The following TLE2 variants were observed in gnomAD, a reference collection of about 807,000 sequenced individuals.
The protein encoded by TLE2 is transducin-like enhancer protein 2.
In TLE2, 74 loss-of-function variants were observed where a neutral mutation model predicts 97.2. That is an observed-to-expected ratio of 0.76 (90% CI 0.63 to 0.92). The LOEUF is 0.92. Among genes scored for constraint, TLE2 ranks in the 40% least tolerant of loss-of-function variants. The probability of loss-of-function intolerance (pLI) is 0.00; values close to 1 mark genes in which losing one functional copy is unlikely to be tolerated. For synonymous variants in TLE2, 499 were observed against 432.1 expected (o/e 1.15, Z -1.92); for missense variants, 1,038 against 1,008.7 (o/e 1.03, Z -0.39).
At chr19:3,028,639 C>T (rs2089987256) in intron 2 of TLE2, 67 bp downstream of exon 2, 9 of 1,571,150 alleles carry the variant, frequency 5.7e-6, no homozygotes, top group South Asian at 2.2e-5. Context: ...CGCCCTATAC[C>T]CCGGAGGCCT....
At chr19:3,041,787 G>C (rs1163204251) in intron 1 of TLE2, among the ~76,000 whole-genome samples, 1 of 152,232 alleles carries the variant, frequency 6.6e-6, no homozygotes, top group Non-Finnish European at 1.5e-5. Flanking sequence ...TGCTGCCCCA[G>C]GTTGGTTTTT....
Position 3,006,553 on chromosome 19 carries a change from T to C in TLE2, c.1367A>G (p.His456Arg). 6.2e-7 allele frequency: 1 copy of C among 1,604,352 alleles called. No homozygotes were observed. The highest frequency in any genetic ancestry group is 8.5e-7 in the Non-Finnish European group (1 of 1,176,534). Residue 456 changes from histidine to arginine, a missense_variant, in exon 15 of 20, where the codon CAT becomes CGT. His to Arg is a conservative substitution (Grantham distance 29). Transcript: ENST00000262953. ...GGTGACCGCGCAGACCACCTCGCCA[T>C]GGGCCAGCGTGTGCAGCTGCCGGGC... ...RHARQLHTLA[H>R]GEVVCAVTIS...
rs1429510747 is a variant in TLE2 at position 3,005,528 on chromosome 19, G to A, written c.1805C>T (p.Thr602Ile). 7 of 1,613,724 alleles carry A rather than the reference G, an allele frequency of 4.3e-6. No individual in the cohort carries two copies. The East Asian group carries it at 8.9e-5, about 21-fold the overall frequency. ...GTCCAGGCCCCCTGTCCAGAGCCGAGTGCCGTAATCGGAAATATCAATGCA... is the reference window on the plus strand; with the variant it reads ...GTCCAGGCCCCCTGTCCAGAGCCGAATGCCGTAATCGGAAATATCAATGCA... ...ASCIDISDYG[T>I]RLWTGGLDNT... Residue 602 changes from threonine (T) to isoleucine (I), a missense_variant, in exon 17 of 20, where the codon ACT becomes ATT. Thr to Ile is a moderately conservative substitution (Grantham distance 89). Transcript: ENST00000262953.
At chr19:3,034,820 C>T (rs2090050642) in intron 1 of TLE2, among the ~76,000 whole-genome samples, 2 of 152,102 alleles carry the variant, frequency 1.3e-5, no homozygotes, top group Admixed American at 1.3e-4. Context: ...CCTAGGCCTT[C>T]CAGGGAGGGG....
chr19:3,040,488 A>C (rs1007061234), intron 1 of TLE2, among the ~76,000 whole-genome samples: 2 of 151,142 alleles, frequency 1.3e-5, no homozygotes, highest in Admixed American at 1.3e-4. Context: ...CTACAGGTGC[A>C]CACCACCATG....
Position 3,005,590 on chromosome 19 carries a change from GGGA to G in TLE2, c.1749-9_1749-7del. 1 of 1,613,038 alleles carries G rather than the reference GGGA, an allele frequency of 6.2e-7. No homozygotes were observed. The highest frequency in any genetic ancestry group is 8.5e-7 in the Non-Finnish European group (1 of 1,179,534). On this transcript the variant is annotated splice_region_variant and splice_polypyrimidine_tract_variant and intron_variant, in intron 16 of 19. Transcript: ENST00000262953. ...CCGTGTGGCCCTGGAACTGCCTGGA[GGGA>G]GAAGGGCCCAGGCGTCCATCCTGGA...
upstream of TLE2, among the ~76,000 whole-genome samples, chr19:3,032,582 G>A (rs188081597): frequency 2.0e-5 from 3 of 152,168 alleles, no homozygotes; most frequent in East Asian, 3.9e-4. The surrounding 1 kb of genome is among the most constrained non-coding windows in gnomAD (Gnocchi z 4.1). Flanking sequence ...GAGGTTGTTC[G>A]CGTCCTTGTT....
Position 3,007,338 on chromosome 19 carries a change from C to T in TLE2, c.1251-669G>A, listed in dbSNP as rs186968731. 4.5e-3 allele frequency among the ~76,000 whole-genome samples: 680 copies of T among 152,282 alleles called. 7 individuals carry two copies. The highest frequency in any genetic ancestry group is 0.016 in the African/African-American group (652 of 41,552). The stretch of plus-strand genomic sequence containing the variant: ...CTCCTGACTTCAAATGATCCTCCCA[C>T]CTCGGCCTCCCAAAATGCTGGGATT... On this transcript the variant is annotated intron_variant, in intron 14 of 19. Coordinates refer to ENST00000262953, the MANE Select transcript of TLE2 (RefSeq NM_003260.5).
chr19:3,025,555 C>T (rs1396922637), intron 4 of TLE2: 2 of 987,944 alleles, frequency 2.0e-6, no homozygotes, highest in Middle Eastern at 5.2e-4. Flanking sequence ...ACTGATCTAC[C>T]AGCTGGGGAT....
At chr19:3,010,818 C>T (rs758191869) in intron 12 of TLE2, among the ~76,000 whole-genome samples, 24 of 152,228 alleles carry the variant, frequency 1.6e-4, no homozygotes, top group Non-Finnish European at 2.5e-4. Context: ...TTCCACTCTC[C>T]AGGCCTCAGT....
At chr19:3,006,691 G>A (rs746170399) in intron 14 of TLE2, 22 bp from the exon 15 acceptor site, 8 of 1,566,820 alleles carry the variant, frequency 5.1e-6, no homozygotes, top group Non-Finnish European at 6.9e-6. Context: ...GCCGGGGCAT[G>A]ACCCAGCCCT....
chr19:3,013,328 A>C (rs1438036265), intron 11 of TLE2, among the ~76,000 whole-genome samples: 3 of 152,022 alleles, frequency 2.0e-5, no homozygotes, highest in Non-Finnish European at 4.4e-5. Flanking sequence ...CAACACATGC[A>C]GGCCTGAGTC....
At chr19:3,038,770 C>T (rs1045723451) in intron 1 of TLE2, among the ~76,000 whole-genome samples, 8 of 152,088 alleles carry the variant, frequency 5.3e-5, no homozygotes, top group African/African-American at 1.7e-4. Context: ...TAAGGCCGGG[C>T]GCAGTGGCTC....
At chr19:3,002,649 C>A in intron 17 of TLE2, 146 bp from the exon 18 acceptor site, 1 of 945,704 alleles carries the variant, frequency 1.1e-6, no homozygotes, top group South Asian at 1.6e-5. Flanking sequence ...AGAGATCCTC[C>A]TGCCTCAGCA....
intron 5 of TLE2, among the ~76,000 whole-genome samples, chr19:3,023,038 A>G (rs1027264376): frequency 6.6e-6 from 1 of 150,626 alleles, no homozygotes; most frequent in African/African-American, 2.4e-5. Flanking sequence ...ATTCCTTTCA[A>G]CAGTCATTTT....
rs1271883481 is a variant in TLE2 at position 3,019,105 on chromosome 19, C to T, written c.550+178G>A. On this transcript the variant is annotated intron_variant, in intron 7 of 19. Coordinates refer to ENST00000262953, the MANE Select transcript of TLE2 (RefSeq NM_003260.5). The surrounding 1 kb of genome is among the most constrained non-coding windows in gnomAD (Gnocchi z 5.1). ...TAGAGACGGGGTCTCGCTCTGTTGC[C>T]CAGGCTGGTCATGAACTCCTGGGCT... Among the ~76,000 whole-genome samples the T allele has an allele frequency of 2.0e-5, 3 of 151,928 alleles. No homozygotes were observed. Among genetic ancestry groups the T allele is most frequent in the Admixed American group, 2.0e-4 (3 of 15,244 alleles).
intron 16 of TLE2, 61 bp downstream of exon 16, chr19:3,005,660 C>G (rs780554324): frequency 1.2e-6 from 2 of 1,607,140 alleles, no homozygotes; most frequent in Non-Finnish European, 1.7e-6. Flanking sequence ...CACTCCTCCA[C>G]TCCCCCTGCA....
At chr19:3,038,115 C>T (rs928354532) in intron 1 of TLE2, among the ~76,000 whole-genome samples, 2 of 152,212 alleles carry the variant, frequency 1.3e-5, no homozygotes, top group South Asian at 4.2e-4. Flanking sequence ...GAGCGAGACT[C>T]TGTCTCAAAA....
chr19:3,039,756 T>C (rs1258574414), intron 1 of TLE2, among the ~76,000 whole-genome samples: 1 of 152,188 alleles, frequency 6.6e-6, no homozygotes, highest in Non-Finnish European at 1.5e-5. Context: ...ACGGACGCGA[T>C]GCCAGGTCCC....
Sources: gnomAD v4.1 joint callset for allele counts (sites outside exome capture counted in the v4.1 genomes callset) on GRCh38, gnomAD v4.1.1 for gene constraint, Gnocchi (gnomAD v3.1) non-coding constraint, MANE v1.5 for transcripts, NCBI Gene and HGNC (gene_info 2026-07-23, HGNC 2026-07-21) for gene names.